KIAA0586: variants seen among roughly 807,000 people sequenced by gnomAD.
The protein encoded by KIAA0586 is KIAA0586, also known as protein TALPID3.
In KIAA0586, 144 loss-of-function variants were observed where a neutral mutation model predicts 169.8. That is an observed-to-expected ratio of 0.85 (90% CI 0.74 to 0.97). The LOEUF is 0.97. Among genes scored for constraint, KIAA0586 ranks in the 50% least tolerant of loss-of-function variants. The probability of loss-of-function intolerance (pLI) is 0.00; values close to 1 mark genes in which losing one functional copy is unlikely to be tolerated. For missense variants in KIAA0586, 1,854 were observed against 1,823.0 expected (o/e 1.02, Z -0.31); for synonymous variants, 625 against 612.4 (o/e 1.02, Z -0.30).
At chr14:58,538,925 G>A (rs568442592) in intron 29 of KIAA0586, among the ~76,000 whole-genome samples, 69 of 152,092 alleles carry the variant, frequency 4.5e-4, no homozygotes, top group Non-Finnish European at 5.3e-4. Context: ...GTCTACGGGC[G>A]CGAGCCACCA....
chr14:58,482,188 G>A (rs1408066243), intron 20 of KIAA0586, among the ~76,000 whole-genome samples: 1 of 151,960 alleles, frequency 6.6e-6, no homozygotes, highest in African/African-American at 2.4e-5. Context: ...CACTTTGGGA[G>A]GCTGAGGCAG....
intron 6 of KIAA0586, among the ~76,000 whole-genome samples, chr14:58,446,643 T>C (rs1449953552): frequency 3.9e-5 from 6 of 152,182 alleles, no homozygotes; most frequent in Non-Finnish European, 8.8e-5. Flanking sequence ...TTTATTATAC[T>C]TAATATATCA....
chr14:58,484,888 A>ATTTATATATATATATATATATATT (rs2042274015), intron 21 of KIAA0586, among the ~76,000 whole-genome samples: 15 of 18,484 alleles, frequency 8.1e-4, no homozygotes, highest in Non-Finnish European at 1.1e-3. Flanking sequence ...TTATATATAT[A>ATTTATATATATATATATATATATT]TTTATATATA....
chr14:58,499,614 A>G (rs1198148828), intron 27 of KIAA0586, among the ~76,000 whole-genome samples: 1 of 151,452 alleles, frequency 6.6e-6, no homozygotes, highest in Non-Finnish European at 1.5e-5. Context: ...GGTGGAATGC[A>G]ATGGCACAAT....
intron 29 of KIAA0586, among the ~76,000 whole-genome samples, chr14:58,523,099 A>G (rs1040203616): frequency 6.6e-6 from 1 of 152,126 alleles, no homozygotes; most frequent in Non-Finnish European, 1.5e-5. Flanking sequence ...GTGCGTAACT[A>G]AGGATGATCC....
At chr14:58,557,535 C>T in the KIAA0586 span, among the ~76,000 whole-genome samples, 21 of 152,274 alleles carry the variant, frequency 1.4e-4, no homozygotes, top group Non-Finnish European at 3.1e-4. Flanking sequence ...TGCACCCCGC[C>T]GGTGTAGGCA....
At chr14:58,432,125 T>C (rs2037426351) in intron 3 of KIAA0586, among the ~76,000 whole-genome samples, 1 of 152,060 alleles carries the variant, frequency 6.6e-6, no homozygotes, top group South Asian at 2.1e-4. Flanking sequence ...GTGGTAAGAG[T>C]GGGCATCCTT....
chr14:58,492,320 C>A, intron 26 of KIAA0586, 45 bp downstream of exon 26: 1 of 1,485,398 alleles, frequency 6.7e-7, no homozygotes. Context: ...GATCTAAATA[C>A]AGGAAAAAAT....
chr14:58,429,579 G>A, intron 2 of KIAA0586, 146 bp downstream of exon 2: 1 of 623,568 alleles, frequency 1.6e-6, no homozygotes, highest in Non-Finnish European at 2.9e-6. Context: ...TACTACAATT[G>A]TGACTTTGAA....
intron 4 of KIAA0586, among the ~76,000 whole-genome samples, chr14:58,436,622 C>T (rs957123995): frequency 2.0e-4 from 31 of 151,910 alleles, no homozygotes; most frequent in Non-Finnish European, 3.7e-4. Context: ...CCTAGAAGAA[C>T]ATACTGTTGA....
intron 27 of KIAA0586, among the ~76,000 whole-genome samples, chr14:58,501,657 C>T (rs1364058670): frequency 6.6e-6 from 1 of 152,114 alleles, no homozygotes; most frequent in Non-Finnish European, 1.5e-5. Flanking sequence ...AGATTGAACA[C>T]ATATGTAAGG....
chr14:58,558,795 A>C, the KIAA0586 span, among the ~76,000 whole-genome samples: 1 of 152,230 alleles, frequency 6.6e-6, no homozygotes, highest in Non-Finnish European at 1.5e-5. Context: ...TAGGTTTATT[A>C]ATCAGAAATC....
chr14:58,463,442 T>C (rs1486317375), intron 14 of KIAA0586, among the ~76,000 whole-genome samples: 1 of 152,226 alleles, frequency 6.6e-6, no homozygotes. Flanking sequence ...AAGAAAAATA[T>C]TCATTCAATA....
chr14:58,500,839 G>C (rs2043519676), intron 27 of KIAA0586, among the ~76,000 whole-genome samples: 1 of 152,046 alleles, frequency 6.6e-6, no homozygotes, highest in Non-Finnish European at 1.5e-5. Context: ...TACGTATACT[G>C]TGAAAAGGTC....
chr14:58,515,336 A>G (rs1408071063), intron 29 of KIAA0586, among the ~76,000 whole-genome samples: 1 of 152,186 alleles, frequency 6.6e-6, no homozygotes. Flanking sequence ...CAGAATCACA[A>G]ATATTTCTTT....
At chr14:58,527,760 T>C (rs543066557) in intron 29 of KIAA0586, among the ~76,000 whole-genome samples, 1 of 152,168 alleles carries the variant, frequency 6.6e-6, no homozygotes, top group South Asian at 2.1e-4. Context: ...ACATAGCAAA[T>C]TGTAAAGACC....
At chr14:58,510,492 C>T (rs1427363413) in intron 28 of KIAA0586, among the ~76,000 whole-genome samples, 2 of 152,174 alleles carry the variant, frequency 1.3e-5, no homozygotes, top group Non-Finnish European at 2.9e-5. Flanking sequence ...TGCCAAGTGT[C>T]GGCAAGGATG....
At chr14:58,517,313 A>G (rs2044836578) in intron 29 of KIAA0586, among the ~76,000 whole-genome samples, 1 of 152,218 alleles carries the variant, frequency 6.6e-6, no homozygotes, top group Non-Finnish European at 1.5e-5. Context: ...AAAATGCATA[A>G]AAGATTTGAA....
intron 30 of KIAA0586, among the ~76,000 whole-genome samples, chr14:58,546,830 A>T (rs1055299540): frequency 2.0e-5 from 3 of 152,142 alleles, no homozygotes; most frequent in South Asian, 2.1e-4. Context: ...TGAAGTGGGA[A>T]TTTTTTTTCA....
Sources: allele counts gnomAD v4.1 joint callset (sites outside exome capture counted in the v4.1 genomes callset), GRCh38; gene constraint gnomAD v4.1.1; transcripts MANE v1.5; gene names NCBI Gene and HGNC (gene_info 2026-07-23, HGNC 2026-07-21).